PECAM1: variants seen among roughly 807,000 people sequenced by gnomAD.
PECAM1 encodes the protein platelet endothelial cell adhesion molecule.
A neutral mutation model predicts 13.8 loss-of-function variants in PECAM1; 8 were observed. The observed-to-expected ratio is 0.58, with a 90% CI of 0.34 to 1.05. The LOEUF (loss-of-function observed/expected upper bound fraction) is 1.05. PECAM1 is among the 50% of genes least tolerant of loss of function. PECAM1 has a pLI of 0.03. For missense variants in PECAM1, 304 were observed against 141.2 expected (o/e 2.15, Z -5.84); for synonymous variants, 136 against 52.6 (o/e 2.58, Z -6.86).
Position 64,319,474 on chromosome 17 carries a change from A to C in PECAM1, c.*4342T>G, listed in dbSNP as rs528172078. 2 of 152,230 alleles carry C rather than the reference A, an allele frequency of 1.3e-5. No individual in the cohort carries two copies. The highest frequency in any genetic ancestry group is 4.8e-5 in the African/African-American group (2 of 41,522). 9.4% of individuals were successfully genotyped at this position (152,230 alleles called of 1,614,324 possible). A position where few individuals can be genotyped will look rare whatever the true frequency, so the allele number is the denominator to read the frequency against. On this transcript the variant is annotated 3_prime_UTR_variant, in exon 16 of 16. Coordinates refer to ENST00000563924, the MANE Select transcript of PECAM1 (RefSeq NM_000442.5). ...TTAGAGCAGGAACAAAAGGAAGTAC[A>C]CTACACTTGGGTCAGGCAGGCAACT...
rs1392854300 is a variant in PECAM1 at position 64,369,875 on chromosome 17, T to C, written c.842A>G (p.His281Arg). The C allele has an allele frequency of 2.5e-6, 1 of 398,560 alleles. No individual in the cohort carries two copies. The highest frequency in any genetic ancestry group is 4.4e-6 in the Non-Finnish European group (1 of 226,114). The allele number at this position is 398,560 out of a possible 1,614,324, so 24.7% of individuals were successfully genotyped here. Residue 281 changes from histidine (H) to arginine (R), a missense_variant, in exon 5 of 16, where the codon CAC becomes CGC. Physicochemically the swap from His to Arg is conservative, Grantham distance 29 (BLOSUM62 0). Coordinates refer to ENST00000563924, the MANE Select transcript of PECAM1 (RefSeq NM_000442.5). ...IIQKDKAIVAHNRHGNKAVYS... is the reference protein window; with the variant it reads ...IIQKDKAIVARNRHGNKAVYS... Reference sequence around the variant, plus strand: ...CACAGCCTTGTTGCCATGTCTGTTGTGGGCCACAATCGCCTTGTCCTTCTG... The same window carrying C: ...CACAGCCTTGTTGCCATGTCTGTTGCGGGCCACAATCGCCTTGTCCTTCTG...
intron 14 of PECAM1, among the ~76,000 whole-genome samples, chr17:64,340,189 CA>C (rs1390741874): frequency 2.6e-5 from 4 of 152,122 alleles, no homozygotes; most frequent in Non-Finnish European, 5.9e-5. Context: ...CAGTGCTTCT[CA>C]AATATTGGCA....
chr17:64,356,655 T>G (rs979025710), intron 7 of PECAM1, among the ~76,000 whole-genome samples: 39 of 152,108 alleles, frequency 2.6e-4, no homozygotes, highest in East Asian at 9.7e-4. Flanking sequence ...TTTGGATTTT[T>G]TTGTTGTTGT....
At chr17:64,379,821 C>T (rs2036442291) in intron 2 of PECAM1, among the ~76,000 whole-genome samples, 1 of 151,014 alleles carries the variant, frequency 6.6e-6, no homozygotes, top group South Asian at 2.1e-4. Context: ...CCCAGAAGTT[C>T]GAGACCAGCC....
chr17:64,332,936 T>C (rs1555647065), intron 14 of PECAM1, among the ~76,000 whole-genome samples: 1 of 151,178 alleles, frequency 6.6e-6, no homozygotes, highest in Non-Finnish European at 1.5e-5. Context: ...GTGGATCACT[T>C]GTGGCCAGGA....
rs565170412 is a variant in PECAM1 at position 64,331,876 on chromosome 17, G to A, written c.2165-2154C>T. Among the ~76,000 whole-genome samples, 8 of 152,326 alleles carry A rather than the reference G, an allele frequency of 5.3e-5. No individual in the cohort carries two copies. The South Asian group carries it at 1.4e-3, about 28-fold the overall frequency. On this transcript the variant is annotated intron_variant, in intron 14 of 15. Coordinates refer to ENST00000563924, the MANE Select transcript of PECAM1 (RefSeq NM_000442.5). ...GGCATTGGGGATGGTTGCTGTTCTCGAAGGTGGTGGAGGGAATGGTGGGAG... is the reference window on the plus strand; with the variant it reads ...GGCATTGGGGATGGTTGCTGTTCTCAAAGGTGGTGGAGGGAATGGTGGGAG...
intron 14 of PECAM1, among the ~76,000 whole-genome samples, chr17:64,336,281 A>G (rs1402358220): frequency 7.1e-6 from 1 of 140,384 alleles, no homozygotes; most frequent in African/African-American, 2.6e-5. Context: ...AAAAAAAAAA[A>G]GAAAGAAAGA....
chr17:64,345,584 G>A (rs1197355411), intron 13 of PECAM1, among the ~76,000 whole-genome samples: 1 of 151,644 alleles, frequency 6.6e-6, no homozygotes, highest in African/African-American at 2.4e-5. Flanking sequence ...ATGGTGGTGG[G>A]CGCCTGTAAC....
At chr17:64,329,333 G>A (rs2035042296) in intron 15 of PECAM1, among the ~76,000 whole-genome samples, 1 of 152,044 alleles carries the variant, frequency 6.6e-6, no homozygotes, top group African/African-American at 2.4e-5. Context: ...GGGGTAATTA[G>A]AATCGGCTAA....
Position 64,332,924 on chromosome 17 carries a change from C to T in PECAM1, c.2165-3202G>A, listed in dbSNP as rs181092990. The stretch of plus-strand genomic sequence containing the variant: ...TCCCAGAACTTTGGGAGACCAAGGC[C>T]GGTGGATCACTTGTGGCCAGGAGTT... On this transcript the variant is annotated intron_variant, in intron 14 of 15. Coordinates refer to ENST00000563924, the MANE Select transcript of PECAM1 (RefSeq NM_000442.5). Among the ~76,000 whole-genome samples, 35 of 152,194 alleles carry T rather than the reference C, an allele frequency of 2.3e-4. 1 individual carries two copies. The highest frequency in any genetic ancestry group is 1.5e-3 in the East Asian group (8 of 5,170).
chr17:64,385,814 G>A (rs966059591), intron 2 of PECAM1, among the ~76,000 whole-genome samples: 2 of 152,184 alleles, frequency 1.3e-5, no homozygotes, highest in East Asian at 1.9e-4. Context: ...AGAGAACAGC[G>A]TGTCCCAGGA....
chr17:64,363,557 G>A (rs890376886), intron 5 of PECAM1, among the ~76,000 whole-genome samples, 160 bp from the exon 6 acceptor site: 340 of 152,270 alleles, frequency 2.2e-3, no homozygotes, highest in African/African-American at 7.9e-3. Flanking sequence ...GATCACCCCA[G>A]TAAGGAGCTA....
intron 2 of PECAM1, among the ~76,000 whole-genome samples, chr17:64,385,920 C>A (rs1269767120): frequency 6.6e-6 from 1 of 152,186 alleles, no homozygotes; most frequent in East Asian, 1.9e-4. Flanking sequence ...TCTGTCGTGC[C>A]AGAATGGAGG....
intron 2 of PECAM1, among the ~76,000 whole-genome samples, chr17:64,389,580 C>G (rs1238848112): frequency 6.6e-6 from 1 of 152,068 alleles, no homozygotes; most frequent in Non-Finnish European, 1.5e-5. Context: ...TAGGATCTGT[C>G]TTCATATGTC....
intron 5 of PECAM1, 81 bp downstream of exon 5, chr17:64,369,669 C>G: frequency 5.0e-6 from 2 of 398,142 alleles, no homozygotes; most frequent in Admixed American, 8.8e-5. Flanking sequence ...TGTATCAGCT[C>G]TCTTTGGCCA....
At chr17:64,347,891 C>T (rs1003366990) in intron 13 of PECAM1, among the ~76,000 whole-genome samples, 7 of 151,152 alleles carry the variant, frequency 4.6e-5, no homozygotes, top group Admixed American at 1.3e-4. Flanking sequence ...CCACCAGAGC[C>T]GGCTAATTTT....
chr17:64,335,649 G>A (rs2035257343), intron 14 of PECAM1, among the ~76,000 whole-genome samples: 1 of 152,202 alleles, frequency 6.6e-6, no homozygotes, highest in Non-Finnish European at 1.5e-5. Flanking sequence ...GGACAAATTA[G>A]TTAACCTCTG....
intron 5 of PECAM1, among the ~76,000 whole-genome samples, chr17:64,364,656 G>T (rs2036061266): frequency 1.4e-5 from 2 of 145,654 alleles, no homozygotes; most frequent in African/African-American, 5.0e-5. Context: ...GGGATGCAAG[G>T]CTGGTTCAAT....
At chr17:64,329,185 C>G (rs140759810) in intron 15 of PECAM1, among the ~76,000 whole-genome samples, 94 of 152,268 alleles carry the variant, frequency 6.2e-4, no homozygotes, top group African/African-American at 2.0e-3. Context: ...AGCTAGGTCT[C>G]TGTTCTGTGT....
Sources: gnomAD v4.1 joint callset for allele counts (sites outside exome capture counted in the v4.1 genomes callset) on GRCh38, gnomAD v4.1.1 for gene constraint, MANE v1.5 for transcripts, NCBI Gene and HGNC (gene_info 2026-07-23, HGNC 2026-07-21) for gene names.